The following WDR11 variants were observed in gnomAD, a reference collection of about 807,000 sequenced individuals.
WDR11 encodes the protein WD repeat-containing protein 11.
In WDR11, 83 loss-of-function variants were observed where a neutral mutation model predicts 151.2. The ratio of observed to expected loss-of-function variants is 0.55; its 90% CI spans 0.46 to 0.66. The LOEUF is 0.66. Among genes scored for constraint, WDR11 ranks in the 30% least tolerant of loss-of-function variants. The pLI is 0.00. For synonymous variants in WDR11, 484 were observed against 533.1 expected (o/e 0.91, Z 1.27); for missense variants, 1,301 against 1,480.9 (o/e 0.88, Z 1.99).
At chr10:120,851,703 C>G in intron 1 of WDR11, 197 bp downstream of exon 1, 1 of 644,598 alleles carries the variant, frequency 1.6e-6, no homozygotes, top group Non-Finnish European at 2.7e-6. Context: ...GGAAATTCCC[C>G]CATGCAAATA....
chr10:120,855,565 A>G (rs1287693205), intron 2 of WDR11, among the ~76,000 whole-genome samples: 1 of 151,656 alleles, frequency 6.6e-6, no homozygotes, highest in African/African-American at 2.4e-5. Context: ...ATATCCAAGA[A>G]ACCATTGCTT....
At chr10:120,882,027 T>C (rs568627412) in intron 13 of WDR11, among the ~76,000 whole-genome samples, 1 of 152,262 alleles carries the variant, frequency 6.6e-6, no homozygotes, top group South Asian at 2.1e-4. Context: ...AAAGTTTTAT[T>C]CCTAGTTTGC....
chr10:120,873,870 T>C lies in WDR11; in HGVS notation c.1503T>C (p.His501=). ...GTAATGGTTCTGTCCTGGTGTACCA[T>C]CTCACCAGTGGTCTGCTACACAAAG... The part of the protein sequence containing the change: ...GTSNGSVLVY[H]LTSGLLHKEL... The change falls in exon 11 of 29, where the codon CAT becomes CAC. Residue 501 remains histidine, a synonymous_variant. Transcript: ENST00000263461. The C allele has an allele frequency of 6.2e-7, 1 of 1,613,326 alleles. No homozygotes were observed. The highest frequency in any genetic ancestry group is 8.5e-7 in the Non-Finnish European group (1 of 1,179,372).
intron 24 of WDR11, 108 bp downstream of exon 24, chr10:120,904,250 G>A: frequency 1.1e-6 from 1 of 879,600 alleles, no homozygotes; most frequent in Admixed American, 2.0e-5. Flanking sequence ...CCCCTTGTAT[G>A]TACCTCCTTC....
intron 4 of WDR11, 90 bp downstream of exon 4, chr10:120,860,372 C>T: frequency 7.2e-7 from 1 of 1,396,504 alleles, no homozygotes; most frequent in Non-Finnish European, 9.9e-7. Context: ...ACACATTATA[C>T]ATCTATAATG....
chr10:120,878,596 C>G, intron 12 of WDR11, 137 bp downstream of exon 12: 1 of 681,928 alleles, frequency 1.5e-6, no homozygotes, highest in Non-Finnish European at 2.5e-6. Context: ...CTTTTATTCT[C>G]TAATAATTGC....
In WDR11 at chr10:120,865,208, T is replaced by C; in HGVS notation, c.875T>C (p.Leu292Ser). 1 of 1,613,694 alleles carries C rather than the reference T, an allele frequency of 6.2e-7. No individual in the cohort carries two copies. The highest frequency in any genetic ancestry group is 1.1e-5 in the South Asian group (1 of 91,068). Residue 292 changes from leucine (L) to serine (S), a missense_variant, in exon 6 of 29, where the codon TTA becomes TCA. Transcript: ENST00000263461. Reference sequence around the variant, plus strand: ...ATAGAACGCACAGGAGTTCCATTTTTACAGGTATCTACAATTCATAAATTA... The same window carrying C: ...ATAGAACGCACAGGAGTTCCATTTTCACAGGTATCTACAATTCATAAATTA... ...IAIERTGVPF[L>S]QVIPCFQRDG...
chr10:120,887,762 C>A (rs1194776121), intron 16 of WDR11, among the ~76,000 whole-genome samples: 3 of 152,160 alleles, frequency 2.0e-5, no homozygotes, highest in African/African-American at 7.2e-5. Context: ...AACTGGCCTC[C>A]CCTAGAGTAA....
At chr10:120,877,578 C>A (rs976696483) in intron 11 of WDR11, among the ~76,000 whole-genome samples, 1 of 152,060 alleles carries the variant, frequency 6.6e-6, no homozygotes, top group African/African-American at 2.4e-5. Context: ...GAGATTGTGT[C>A]ACTGCACTCC....
At chr10:120,860,361 C>T (rs914624460) in intron 4 of WDR11, 79 bp downstream of exon 4, 24 of 1,476,582 alleles carry the variant, frequency 1.6e-5, no homozygotes, top group Non-Finnish European at 2.0e-5. Context: ...GAGATATACA[C>T]ACACATTATA....
chr10:120,875,346 C>T (rs148546304), intron 11 of WDR11, among the ~76,000 whole-genome samples: 50 of 152,162 alleles, frequency 3.3e-4, no homozygotes, highest in Non-Finnish European at 5.6e-4. Flanking sequence ...CAGAGCTGTC[C>T]GAGGGAAAGC....
intron 7 of WDR11, among the ~76,000 whole-genome samples, 186 bp from the exon 8 acceptor site, chr10:120,866,383 T>C (rs1846312376): frequency 6.6e-6 from 1 of 152,202 alleles, no homozygotes. Context: ...TTAAACTTAG[T>C]ACAGTCATTA....
At position 120,889,113 on chromosome 10, in the gene WDR11, A is replaced by G. The variant is rs756569536; in HGVS notation, c.2157A>G (p.Lys719=). 6.2e-6 allele frequency: 10 copies of G among 1,614,094 alleles called. No homozygotes were observed. The highest frequency in any genetic ancestry group is 1.1e-5 in the South Asian group (1 of 91,080). ...SMGSITCIAW[K]GDTLVLGDMD... ...GTAGTATTACCTGCATCGCTTGGAA[A>G]GGTGATACATTAGTGCTTGGAGATA... Residue 719 remains lysine, a synonymous_variant, in exon 17 of 29, where the codon AAA becomes AAG. Transcript: ENST00000263461.
In WDR11 at chr10:120,890,752, G is replaced by A; in HGVS notation, c.2380G>A (p.Val794Met). Residue 794 changes from valine (V) to methionine (M), a missense_variant, in exon 19 of 29, where the codon GTG becomes ATG. This residue lies in a region of WDR11 where 589 missense variants were observed against 670.6 expected (regional missense o/e 0.88). Transcript: ENST00000263461. ...GAGCAGTTTAAGAAGTGGCAGAAAT[G>A]TGACCTTTCGTATATTGGATGTGGA... ...MVSSLRSGRN[V>M]TFRILDVDWC... The A allele has an allele frequency of 6.2e-7, 1 of 1,614,174 alleles. No homozygotes were observed.
rs369772243 is a variant in WDR11, at chr10:120,906,029, G to A, written c.3437+8G>A. On this transcript the variant is annotated splice_region_variant and intron_variant, in intron 27 of 28. Coordinates refer to ENST00000263461, the MANE Select transcript of WDR11 (RefSeq NM_018117.12). ...GGCAGAGACGCTTCACAGGTAAACC[G>A]AGAGTTCACATGGGCTGCTCAGGCC... The A allele has an allele frequency of 1.3e-4, 208 of 1,613,100 alleles. No individual in the cohort carries two copies. Among genetic ancestry groups the A allele is most frequent in the Non-Finnish European group, 1.7e-4 (199 of 1,180,010 alleles).
At chr10:120,851,577 AGGT>A in intron 1 of WDR11, 71 bp downstream of exon 1, 1 of 1,552,106 alleles carries the variant, frequency 6.4e-7, no homozygotes, top group Non-Finnish European at 8.7e-7. Flanking sequence ...GAAGGACAAG[AGGT>A]TTCACCCCCT....
Position 120,880,850 on chromosome 10 carries a change from A to G in WDR11, c.1688A>G (p.Glu563Gly). 1 of 1,605,682 alleles carries G rather than the reference A, an allele frequency of 6.2e-7. No homozygotes were observed. Among genetic ancestry groups the G allele is most frequent in the Non-Finnish European group, 8.5e-7 (1 of 1,174,710 alleles). ...GGTAGGAGCATTGCTTTTCGTGGTG[A>G]AAGAGGCAATGATGAATCTGCCATC... ...PTGRSIAFRG[E>G]RGNDESAIEM... The change falls in exon 13 of 29, where the codon GAA (glutamate) becomes GGA (glycine). Residue 563 changes from glutamate (E) to glycine (G), a missense_variant. Physicochemically the swap from Glu to Gly is moderately conservative, Grantham distance 98. This residue lies in a region of WDR11 where 692 missense variants were observed against 762.5 expected (regional missense o/e 0.91). Transcript: ENST00000263461.
chr10:120,873,911 C>T lies in WDR11; in HGVS notation c.1544C>T (p.Ser515Leu). Reference sequence around the variant, plus strand: ...CTACACAAAGAGTTAAGCATCCACTCATGTGAAGTCAAGTAAGTATGTCAT... The same window carrying T: ...CTACACAAAGAGTTAAGCATCCACTTATGTGAAGTCAAGTAAGTATGTCAT... The part of the protein sequence containing the change: ...GLLHKELSIH[S>L]CEVKGIEWTS... The change falls in exon 11 of 29, where the codon TCA becomes TTA. Residue 515 changes from serine to leucine, a missense_variant. Physicochemically the swap from Ser to Leu is moderately radical, Grantham distance 145. This residue lies in a region of WDR11 where 692 missense variants were observed against 762.5 expected (regional missense o/e 0.91). Transcript: ENST00000263461. 6.2e-7 allele frequency: 1 copy of T among 1,609,588 alleles called. No individual in the cohort carries two copies. The highest frequency in any genetic ancestry group is 1.3e-5 in the African/African-American group (1 of 74,936).
At chr10:120,885,462 T>A (rs1724249904) in intron 14 of WDR11, among the ~76,000 whole-genome samples, 1 of 152,144 alleles carries the variant, frequency 6.6e-6, no homozygotes, top group Admixed American at 6.5e-5. Context: ...AATCTATGGA[T>A]GATAAAGGAC....
Sources: allele counts gnomAD v4.1 joint callset (sites outside exome capture counted in the v4.1 genomes callset), GRCh38; gene constraint gnomAD v4.1.1; regional missense constraint gnomAD v4.1.1; transcripts MANE v1.5; gene names NCBI Gene and HGNC (gene_info 2026-07-23, HGNC 2026-07-21).